LARGE1: variants seen among roughly 807,000 people sequenced by gnomAD.
LARGE1 encodes the protein xylosyl- and glucuronyltransferase LARGE1.
LARGE1 carries 43 observed loss-of-function variants against 87.6 expected under a neutral mutation model. The ratio of observed to expected loss-of-function variants is 0.49; its 90% confidence interval spans 0.38 to 0.63. The LOEUF is 0.63. Among genes scored for constraint, LARGE1 ranks in the 30% least tolerant of loss-of-function variants. LARGE1 has a pLI of 0.00. For synonymous variants in LARGE1, 434 were observed against 394.6 expected (o/e 1.10, Z -1.18); for missense variants, 802 against 1,000.2 (o/e 0.80, Z 2.67).
At chr22:33,813,076 C>T (rs1043537634) in intron 1 of LARGE1, among the ~76,000 whole-genome samples, 5 of 151,942 alleles carry the variant, frequency 3.3e-5, no homozygotes, top group African/African-American at 9.7e-5. Context: ...CACTCTAGGC[C>T]GGGCGCAGTG....
At chr22:33,757,523 A>G (rs1487307345) in intron 2 of LARGE1, among the ~76,000 whole-genome samples, 3 of 152,118 alleles carry the variant, frequency 2.0e-5, no homozygotes, top group African/African-American at 7.2e-5. Flanking sequence ...AGATCCTGAG[A>G]CAGCTGACCC....
intron 2 of LARGE1, among the ~76,000 whole-genome samples, chr22:33,718,409 A>C (rs966161533): frequency 6.6e-5 from 10 of 152,260 alleles, no homozygotes; most frequent in African/African-American, 2.4e-4. Context: ...GACTGAGGCT[A>C]AGAAAATAGG....
chr22:33,078,782 A>C, the LARGE1 span, among the ~76,000 whole-genome samples: 1 of 152,238 alleles, frequency 6.6e-6, no homozygotes, highest in African/African-American at 2.4e-5. Flanking sequence ...ACTTAGTGTG[A>C]AATTTGTTGT....
chr22:33,514,858 G>A (rs1158971552), intron 6 of LARGE1, among the ~76,000 whole-genome samples: 1 of 152,054 alleles, frequency 6.6e-6, no homozygotes, highest in Non-Finnish European at 1.5e-5. Context: ...GACAGCCAAG[G>A]CCCAAAGATA....
At chr22:33,252,967 G>A (rs535384793) in intron 11 of LARGE1, among the ~76,000 whole-genome samples, 1 of 152,310 alleles carries the variant, frequency 6.6e-6, no homozygotes, top group South Asian at 2.1e-4. Flanking sequence ...TCAGCAATTT[G>A]GAGCTGAGAC....
chr22:33,114,066 T>G, the LARGE1 span, among the ~76,000 whole-genome samples: 1 of 150,968 alleles, frequency 6.6e-6, no homozygotes, highest in Non-Finnish European at 1.5e-5. Context: ...TTAGTAGAGA[T>G]GAGGTTTCAC....
intron 9 of LARGE1, among the ~76,000 whole-genome samples, chr22:33,349,984 C>T (rs535311116): frequency 2.0e-5 from 3 of 152,268 alleles, no homozygotes; most frequent in African/African-American, 7.2e-5. Context: ...TGCATGAATC[C>T]CAGGCCTTGT....
chr22:33,260,317 A>G (rs1158450934), intron 11 of LARGE1, among the ~76,000 whole-genome samples: 2 of 152,098 alleles, frequency 1.3e-5, no homozygotes, highest in Non-Finnish European at 2.9e-5. Context: ...AAATAATAAA[A>G]CCAACATTTA....
chr22:33,697,021 T>C (rs1458318977), intron 2 of LARGE1, among the ~76,000 whole-genome samples: 1 of 152,010 alleles, frequency 6.6e-6, no homozygotes, highest in African/African-American at 2.4e-5. Flanking sequence ...TCCAAACTCC[T>C]TTACATCTTG....
At chr22:33,332,000 A>AGCAC (rs1386610052) in intron 10 of LARGE1, among the ~76,000 whole-genome samples, 2 of 151,910 alleles carry the variant, frequency 1.3e-5, no homozygotes. Flanking sequence ...CTACTTAATA[A>AGCAC]TCCTCTGCTT....
chr22:33,903,206 A>T (rs1021193803), intron 1 of LARGE1, among the ~76,000 whole-genome samples: 2 of 152,212 alleles, frequency 1.3e-5, no homozygotes, highest in African/African-American at 2.4e-5. Flanking sequence ...TGATGTCCTA[A>T]TAACAGGAAG....
chr22:33,562,667 C>G (rs189974749), intron 6 of LARGE1, among the ~76,000 whole-genome samples: 2 of 152,282 alleles, frequency 1.3e-5, no homozygotes, highest in Non-Finnish European at 2.9e-5. Context: ...GCCTTCCCTT[C>G]CACGGATGAT....
At position 33,604,441 on chromosome 22, in the gene LARGE1, C is replaced by T; in HGVS notation, c.609G>A (p.Glu203=). 1 of 1,614,078 alleles carries T rather than the reference C, an allele frequency of 6.2e-7. No individual in the cohort carries two copies. The highest frequency in any genetic ancestry group is 8.5e-7 in the Non-Finnish European group (1 of 1,179,984). The change falls in exon 5 of 15, where the codon GAG becomes GAA. Residue 203 remains glutamate, a synonymous_variant. Coordinates refer to ENST00000397394, the MANE Select transcript of LARGE1 (RefSeq NM_133642.5). ...CCTCCCCTCCTGCCCATACCTTGAG[C>T]TCGTCTGCATTGTAGAAGTCCACAC... ...AVRVDFYNAD[E]LKSEVSWIPN...
intron 2 of LARGE1, among the ~76,000 whole-genome samples, chr22:33,683,555 G>A (rs184947130): frequency 2.0e-5 from 3 of 152,092 alleles, no homozygotes; most frequent in East Asian, 1.9e-4. Flanking sequence ...ATGGACAGAC[G>A]GAAGGACGGA....
intron 6 of LARGE1, among the ~76,000 whole-genome samples, chr22:33,432,952 C>T (rs1176718727): frequency 6.6e-6 from 1 of 152,158 alleles, no homozygotes; most frequent in African/African-American, 2.4e-5. Context: ...CCAGAGCTGG[C>T]GTTGATGTTG....
chr22:33,293,934 C>T (rs1932912136), intron 12 of LARGE1, among the ~76,000 whole-genome samples: 1 of 152,360 alleles, frequency 6.6e-6, no homozygotes, highest in East Asian at 1.9e-4. Flanking sequence ...TTTATCCATT[C>T]TCACCTTGTT....
intron 7 of LARGE1, among the ~76,000 whole-genome samples, chr22:33,411,411 T>C (rs769523969): frequency 2.0e-5 from 3 of 152,226 alleles, no homozygotes; most frequent in Admixed American, 6.5e-5. Flanking sequence ...AAGTAGCTCC[T>C]TGGCAAAATA....
chr22:33,902,809 G>T (rs894650845), intron 1 of LARGE1, among the ~76,000 whole-genome samples: 17 of 152,136 alleles, frequency 1.1e-4, no homozygotes, highest in Non-Finnish European at 2.2e-4. Context: ...ACCTCAAAAT[G>T]TGACCGTATT....
chr22:33,705,220 G>A (rs1250721280), intron 2 of LARGE1, among the ~76,000 whole-genome samples: 2 of 152,196 alleles, frequency 1.3e-5, no homozygotes. Context: ...CACTGCTGAA[G>A]CCTCAATTTT....
Sources: gnomAD v4.1 joint callset for allele counts (sites outside exome capture counted in the v4.1 genomes callset) on GRCh38, gnomAD v4.1.1 for gene constraint, MANE v1.5 for transcripts, NCBI Gene and HGNC (gene_info 2026-07-23, HGNC 2026-07-21) for gene names.